JAM3: variants seen among roughly 807,000 people sequenced by gnomAD.
JAM3 encodes the protein junctional adhesion molecule 3, also known as junctional adhesion molecule C.
A neutral mutation model predicts 39.4 loss-of-function variants in JAM3; 31 were observed. The ratio of observed to expected loss-of-function variants is 0.79; its 90% CI spans 0.59 to 1.06. The LOEUF (loss-of-function observed/expected upper bound fraction) is 1.06. Among genes scored for constraint, JAM3 ranks in the 50% least tolerant of loss-of-function variants. The probability of loss-of-function intolerance (pLI) is 0.00; values close to 1 mark genes in which losing one functional copy is unlikely to be tolerated. For synonymous variants in JAM3, 182 were observed against 148.7 expected (o/e 1.22, Z -1.63); for missense variants, 455 against 391.4 (o/e 1.16, Z -1.37).
chr11:134,104,575 G>A (rs545575522), intron 1 of JAM3, among the ~76,000 whole-genome samples: 1 of 152,084 alleles, frequency 6.6e-6, no homozygotes, highest in South Asian at 2.1e-4. Flanking sequence ...CAGGAGCTGG[G>A]TTTTTGAAAA....
chr11:134,148,732 C>T (rs747435076), intron 7 of JAM3, 32 bp from the exon 8 acceptor site: 13 of 1,613,820 alleles, frequency 8.1e-6, no homozygotes, highest in Non-Finnish European at 1.1e-5. Flanking sequence ...ATATAACAAC[C>T]CTGTTGCTAA....
chr11:134,069,699 C>T (rs1356519262), intron 1 of JAM3, among the ~76,000 whole-genome samples: 3 of 152,172 alleles, frequency 2.0e-5, no homozygotes, highest in Non-Finnish European at 2.9e-5. Context: ...GCTGGAAGAC[C>T]CTGCGCAGCA....
At chr11:134,093,025 G>A (rs964982421) in intron 1 of JAM3, among the ~76,000 whole-genome samples, 3 of 139,786 alleles carry the variant, frequency 2.1e-5, no homozygotes, top group Admixed American at 1.4e-4. Flanking sequence ...CTTCCTGAGG[G>A]AAGCTTCTCC....
intron 1 of JAM3, among the ~76,000 whole-genome samples, chr11:134,106,557 C>T (rs1040786803): frequency 1.3e-5 from 2 of 152,112 alleles, no homozygotes; most frequent in African/African-American, 4.8e-5. Flanking sequence ...GAACAGGCAA[C>T]CTACAGAATG....
At chr11:134,072,658 C>T (rs541017954) in intron 1 of JAM3, among the ~76,000 whole-genome samples, 11 of 152,206 alleles carry the variant, frequency 7.2e-5, no homozygotes, top group South Asian at 2.1e-4. Flanking sequence ...CAGTGGCTCA[C>T]GCCAGCACTT....
rs1384176265 is a variant in JAM3, at chr11:134,108,215, C to A, written c.77-31636C>A. Among the ~76,000 whole-genome samples, 10 of 152,084 alleles carry A rather than the reference C, an allele frequency of 6.6e-5. No homozygotes were observed. In the South Asian group the frequency reaches 1.5e-3, roughly 22 times the overall value. The stretch of plus-strand genomic sequence containing the variant: ...GATCAAATAAATTTCTTGAAAGACA[C>A]AACTACCAAAGCTCACTCAAGAAGA... On this transcript the variant is annotated intron_variant, in intron 1 of 8. Coordinates refer to ENST00000299106, the MANE Select transcript of JAM3 (RefSeq NM_032801.5).
At chr11:134,135,748 A>G (rs1005283413) in intron 1 of JAM3, among the ~76,000 whole-genome samples, 3 of 152,002 alleles carry the variant, frequency 2.0e-5, no homozygotes. Flanking sequence ...CTAGACAGGT[A>G]TCTAGTATAT....
At chr11:134,075,499 A>T (rs1941552445) in intron 1 of JAM3, among the ~76,000 whole-genome samples, 1 of 139,360 alleles carries the variant, frequency 7.2e-6, no homozygotes. Context: ...CTGGGGTCTT[A>T]GTGAGCTTGG....
intron 6 of JAM3, 148 bp downstream of exon 6, chr11:134,146,193 A>G (rs773861809): frequency 3.7e-5 from 26 of 698,362 alleles, no homozygotes; most frequent in Non-Finnish European, 5.4e-5. Flanking sequence ...AACCCACTGC[A>G]CAGTGAAGGG....
intron 6 of JAM3, chr11:134,147,702 G>C (rs1298433202): frequency 2.7e-5 from 4 of 150,080 alleles, no homozygotes; most frequent in Admixed American, 6.6e-5. Flanking sequence ...TAGCCAGGAT[G>C]GTCTCGAATC....
At chr11:134,082,228 G>T (rs1422513109) in intron 1 of JAM3, among the ~76,000 whole-genome samples, 1 of 152,234 alleles carries the variant, frequency 6.6e-6, no homozygotes, top group African/African-American at 2.4e-5. Context: ...ACTTGCTTTT[G>T]ATTTTACAGG....
chr11:134,145,112 T>C lies in JAM3; in HGVS notation c.612+118T>C, dbSNP rs1943047838. 1.7e-5 allele frequency: 15 copies of C among 863,482 alleles called. No individual in the cohort carries two copies. The South Asian group carries it at 2.1e-4, about 12-fold the overall frequency. The allele number at this position is 863,482 out of a possible 1,614,324, so 53.5% of individuals were successfully genotyped here. ...TTCTTGATAAGACAGGAGTCAAAAA[T>C]CTAGAATGTTAGGGATTCTACAGGA... On this transcript the variant is annotated intron_variant, in intron 5 of 8. Transcript: ENST00000299106.
chr11:134,081,871 G>A (rs1941671607), intron 1 of JAM3, among the ~76,000 whole-genome samples: 1 of 152,240 alleles, frequency 6.6e-6, no homozygotes, highest in Admixed American at 6.5e-5. Context: ...GAGAGCAGCG[G>A]GGAGCAAGGC....
intron 1 of JAM3, among the ~76,000 whole-genome samples, chr11:134,079,961 C>G (rs1481596312): frequency 6.6e-6 from 1 of 150,754 alleles, no homozygotes; most frequent in Non-Finnish European, 1.5e-5. Context: ...TATTCAGAAC[C>G]CTCGTTTTTG....
chr11:134,148,570 A>T lies in JAM3; in HGVS notation c.736A>T (p.Ile246Phe). The stretch of plus-strand genomic sequence containing the variant: ...AGATGACCTGAACATTGGCGGAATT[A>T]TTGGGGGGGTTCTGGTTGTCCTTGC... Reference protein sequence around the residue: ...EVYDLNIGGIIGGVLVVLAVL... With the variant: ...EVYDLNIGGIFGGVLVVLAVL... Residue 246 changes from isoleucine (I) to phenylalanine (F), a missense_variant, in exon 7 of 9, where the codon ATT (isoleucine) becomes TTT (phenylalanine). Ile to Phe is a conservative substitution (Grantham distance 21). Coordinates refer to ENST00000299106, the MANE Select transcript of JAM3 (RefSeq NM_032801.5). The T allele has an allele frequency of 6.2e-7, 1 of 1,614,056 alleles. No individual in the cohort carries two copies. The highest frequency in any genetic ancestry group is 1.3e-5 in the African/African-American group (1 of 74,982).
chr11:134,121,821 G>GCGCGCACACACACA (rs369702081), intron 1 of JAM3, among the ~76,000 whole-genome samples: 39 of 148,422 alleles, frequency 2.6e-4, no homozygotes, highest in African/African-American at 7.4e-4. Context: ...GCATGTGTGC[G>GCGCGCACACACACA]CACACACACA....
chr11:134,121,842 C>T (rs867436987), intron 1 of JAM3, among the ~76,000 whole-genome samples: 3 of 152,228 alleles, frequency 2.0e-5, no homozygotes, highest in South Asian at 2.1e-4. Context: ...CACACACACA[C>T]ACACACACAC....
intron 1 of JAM3, among the ~76,000 whole-genome samples, chr11:134,119,775 A>G (rs561918563): frequency 6.6e-6 from 1 of 151,772 alleles, no homozygotes; most frequent in South Asian, 2.1e-4. Flanking sequence ...CATCTTAAAA[A>G]CCCTCCAAGT....
Position 134,105,153 on chromosome 11 carries a change from C to A in JAM3, c.77-34698C>A, listed in dbSNP as rs557582118. On this transcript the variant is annotated intron_variant, in intron 1 of 8. Coordinates refer to ENST00000299106, the MANE Select transcript of JAM3 (RefSeq NM_032801.5). ...AGCAGCACATCAAAAAGCTTATCCA[C>A]CATAATCAAGTGGGCTTCATCCCTG... is the stretch of plus-strand genomic sequence containing the variant. Among the ~76,000 whole-genome samples the A allele has an allele frequency of 2.2e-4, 33 of 152,316 alleles. No homozygotes were observed. The South Asian group carries it at 6.0e-3, about 28-fold the overall frequency.
Sources: gnomAD v4.1 joint callset for allele counts (sites outside exome capture counted in the v4.1 genomes callset) on GRCh38, gnomAD v4.1.1 for gene constraint, MANE v1.5 for transcripts, NCBI Gene and HGNC (gene_info 2026-07-23, HGNC 2026-07-21) for gene names.